Variants in AGPS observed in about 807,000 individuals in gnomAD.
The protein encoded by AGPS is alkylglycerone phosphate synthase, also known as alkyldihydroxyacetonephosphate synthase, peroxisomal.
Under a neutral mutation model 90.7 loss-of-function variants are expected in AGPS, and 26 were observed. That is an observed-to-expected ratio of 0.29 (90% CI 0.21 to 0.40). The LOEUF (loss-of-function observed/expected upper bound fraction) is 0.40. Among genes scored for constraint, AGPS ranks in the 10% least tolerant of loss-of-function variants. AGPS has a pLI of 1.00. For synonymous variants in AGPS, 294 were observed against 285.3 expected, an observed-to-expected ratio of 1.03 and a Z score of -0.31; for missense variants, 540 against 816.1, an observed-to-expected ratio of 0.66 and a Z score of 4.12.
At position 177,541,000 on chromosome 2, in the gene AGPS, G is replaced by A. The variant is rs1184032119; in HGVS notation, c.*2805G>A. The A allele has an allele frequency of 6.6e-6, 1 of 152,050 alleles. No homozygotes were observed. Among genetic ancestry groups the A allele is most frequent in the African/African-American group, 2.4e-5 (1 of 41,412 alleles). The allele number at this position is 152,050 out of a possible 1,614,324, so 9.4% of individuals were successfully genotyped here. ...GAATTGTGGAAACCACATGTTTATT[G>A]TGCCCATCATTTTACACAAAGAAAA... On this transcript the variant is annotated 3_prime_UTR_variant, in exon 20 of 20. Transcript: ENST00000264167.
rs187802311 is a variant in AGPS at position 177,432,801 on chromosome 2, T to G, written c.351-1526T>G. On this transcript the variant is annotated intron_variant, in intron 2 of 19. Coordinates refer to ENST00000264167, the MANE Select transcript of AGPS (RefSeq NM_003659.4). Reference sequence around the variant, plus strand: ...GTGCAAGAAACATGGCATCAGGGTCTGCTTCTGGTGAGGACCTCAAGCTGC... The same window carrying G: ...GTGCAAGAAACATGGCATCAGGGTCGGCTTCTGGTGAGGACCTCAAGCTGC... 3.2e-3 allele frequency among the ~76,000 whole-genome samples: 486 copies of G among 152,330 alleles called. 2 individuals are homozygous for G. The highest frequency in any genetic ancestry group is 6.8e-3 in the Middle Eastern group (2 of 294).
At chr2:177,481,658 G>A (rs964401308) in intron 10 of AGPS, among the ~76,000 whole-genome samples, 3 of 151,786 alleles carry the variant, frequency 2.0e-5, no homozygotes, top group Admixed American at 2.0e-4. Context: ...CCAATAAATT[G>A]TTTTTAAGAC....
intron 12 of AGPS, among the ~76,000 whole-genome samples, chr2:177,494,228 A>G (rs1266421733): frequency 6.6e-6 from 1 of 152,214 alleles, no homozygotes; most frequent in African/African-American, 2.4e-5. Flanking sequence ...TTAGGGAAGC[A>G]TGGTTATAGT....
intron 8 of AGPS, among the ~76,000 whole-genome samples, chr2:177,454,404 T>C (rs1687051434): frequency 6.6e-6 from 1 of 151,932 alleles, no homozygotes; most frequent in South Asian, 2.1e-4. Context: ...TTTGGGCCTT[T>C]TTATATCTTG....
At chr2:177,507,928 A>ATCTG (rs1407729630) in intron 15 of AGPS, 42 bp from the exon 16 acceptor site, 1 of 1,299,648 alleles carries the variant, frequency 7.7e-7, no homozygotes, top group South Asian at 1.2e-5. Flanking sequence ...ATTCTTCTGC[A>ATCTG]TCTGTTGTAG....
In AGPS at chr2:177,521,251, AT is replaced by A. The variant is rs750329931; in HGVS notation, c.1698-14del. 1 of 1,604,224 alleles carries A rather than the reference AT, an allele frequency of 6.2e-7. No individual in the cohort carries two copies. Among genetic ancestry groups the A allele is most frequent in the East Asian group, 2.2e-5 (1 of 44,818 alleles). ...CACTTAACTTAAAGCCCCTGTGGGG[AT>A]TTTGTTTGTTTTTTAGGGTGACGCA... On this transcript the variant is annotated splice_polypyrimidine_tract_variant and intron_variant, in intron 17 of 19. Coordinates refer to ENST00000264167, the MANE Select transcript of AGPS (RefSeq NM_003659.4).
chr2:177,460,104 G>A (rs1317494520), intron 8 of AGPS, among the ~76,000 whole-genome samples: 1 of 152,158 alleles, frequency 6.6e-6, no homozygotes, highest in Non-Finnish European at 1.5e-5. Flanking sequence ...TCATAAGTGG[G>A]AGTTGAACAA....
chr2:177,499,225 A>T (rs1172727251), intron 13 of AGPS, among the ~76,000 whole-genome samples: 8 of 151,828 alleles, frequency 5.3e-5, no homozygotes, highest in Non-Finnish European at 3.0e-5. Context: ...TATTGTTAGT[A>T]TGTAGGGATG....
chr2:177,468,341 T>C, intron 9 of AGPS, 75 bp from the exon 10 acceptor site: 1 of 811,422 alleles, frequency 1.2e-6, no homozygotes, highest in Non-Finnish European at 2.0e-6. Flanking sequence ...TACATAAATA[T>C]ATATAAATGT....
At chr2:177,474,377 CA>C (rs1452168557) in intron 10 of AGPS, among the ~76,000 whole-genome samples, 2 of 151,974 alleles carry the variant, frequency 1.3e-5, no homozygotes, top group African/African-American at 4.8e-5. Context: ...AAGCTCTCAG[CA>C]AAAAAAGGGG....
chr2:177,487,190 GT>G (rs966529485), intron 11 of AGPS, among the ~76,000 whole-genome samples: 3 of 151,776 alleles, frequency 2.0e-5, no homozygotes, highest in Non-Finnish European at 2.9e-5. Flanking sequence ...TGAAGCTTGG[GT>G]TTTTTTTGTT....
intron 18 of AGPS, 21 bp from the exon 19 acceptor site, chr2:177,523,727 T>C (rs2105735100): frequency 6.2e-7 from 1 of 1,611,294 alleles, no homozygotes; most frequent in East Asian, 2.2e-5. Context: ...CAACAATTTG[T>C]TGTGTTGTTT....
chr2:177,394,669 A>G (rs1015711588), intron 1 of AGPS, among the ~76,000 whole-genome samples: 1 of 152,198 alleles, frequency 6.6e-6, no homozygotes, highest in East Asian at 1.9e-4. Context: ...TTTCCACTAC[A>G]CCGTTACAGC....
chr2:177,424,019 T>C (rs574854037), intron 2 of AGPS, among the ~76,000 whole-genome samples: 1 of 152,126 alleles, frequency 6.6e-6, no homozygotes, highest in Non-Finnish European at 1.5e-5. Flanking sequence ...ACGTGTGACA[T>C]GGTGGTTTGC....
chr2:177,499,821 GTC>G, intron 14 of AGPS, 91 bp downstream of exon 14: 1 of 836,552 alleles, frequency 1.2e-6, no homozygotes, highest in Non-Finnish European at 2.0e-6. Context: ...AGGCATTAAT[GTC>G]TCCAAACAGA....
At chr2:177,510,391 A>G (rs1688835692) in intron 16 of AGPS, among the ~76,000 whole-genome samples, 1 of 152,178 alleles carries the variant, frequency 6.6e-6, no homozygotes, top group South Asian at 2.1e-4. Context: ...TTCTAATACC[A>G]TCTAACTGGG....
intron 3 of AGPS, among the ~76,000 whole-genome samples, chr2:177,436,310 C>T (rs1002280517): frequency 1.3e-5 from 2 of 151,650 alleles, no homozygotes; most frequent in African/African-American, 4.8e-5. Context: ...CGCCACCACG[C>T]CCGGCTAATT....
intron 14 of AGPS, among the ~76,000 whole-genome samples, chr2:177,501,852 G>C (rs1301730460): frequency 6.6e-6 from 1 of 152,106 alleles, no homozygotes; most frequent in East Asian, 1.9e-4. Flanking sequence ...ATTTTTAGTA[G>C]AGATGGGGTT....
At chr2:177,442,050 CTT>C (rs1235972389) in intron 6 of AGPS, among the ~76,000 whole-genome samples, 1 of 152,058 alleles carries the variant, frequency 6.6e-6, no homozygotes, top group Non-Finnish European at 1.5e-5. Context: ...TAGGATGGGT[CTT>C]TTTTTCTTTT....
Sources: gnomAD v4.1 joint callset for allele counts (sites outside exome capture counted in the v4.1 genomes callset) on GRCh38, gnomAD v4.1.1 for gene constraint, MANE v1.5 for transcripts, NCBI Gene and HGNC (gene_info 2026-07-23, HGNC 2026-07-21) for gene names.